OR2T29: variants seen among roughly 807,000 people sequenced by gnomAD.
The protein encoded by OR2T29 is olfactory receptor family 2 subfamily T member 29.
For synonymous variants in OR2T29, 2 were observed against 44.9 expected (o/e 0.04, Z 3.82); for missense variants, 7 against 121.9 (o/e 0.06, Z 4.44).
At chr1:248,560,613 AAC>A (rs1380650951) in intron 1 of OR2T29, among the ~76,000 whole-genome samples, 13 of 29,046 alleles carry the variant, frequency 4.5e-4, no homozygotes, top group African/African-American at 6.5e-4. Flanking sequence ...GTGAATATAT[AAC>A]TATAACATTT....
chr1:248,562,346 C>T (rs904668953), intron 1 of OR2T29, among the ~76,000 whole-genome samples: 2 of 138,898 alleles, frequency 1.4e-5, no homozygotes, highest in African/African-American at 6.0e-5. Flanking sequence ...ATGATTGAGA[C>T]ATTGTTTCTA....
intron 1 of OR2T29, among the ~76,000 whole-genome samples, chr1:248,560,609 A>ATAT (rs1558380850): frequency 4.5e-4 from 14 of 31,010 alleles, no homozygotes; most frequent in African/African-American, 6.0e-4. Context: ...ACAGGTGAAT[A>ATAT]TATAACTATA....
chr1:248,562,232 C>A (rs569483480), intron 1 of OR2T29, among the ~76,000 whole-genome samples: 2 of 150,770 alleles, frequency 1.3e-5, no homozygotes, highest in South Asian at 2.1e-4. Context: ...TGAGAGCCAG[C>A]GCACGTAACT....
chr1:248,559,444 G>C lies in OR2T29; in HGVS notation c.48C>G (p.Phe16Leu), dbSNP rs1227024474. 1 of 1,567,526 alleles carries C rather than the reference G, an allele frequency of 6.4e-7. No homozygotes were observed. Among genetic ancestry groups the C allele is most frequent in the African/African-American group, 1.4e-5 (1 of 71,850 alleles). The part of the protein sequence containing the change: ...RMANHTGRLD[F>L]ILMGLFRQSK... ...ATTGTCTGAAGAGTCCCATGAGGAT[G>C]AAATCCAACCTTCCAGTGTGGTTGG... Residue 16 changes from phenylalanine (F) to leucine (L), a missense_variant, in exon 2 of 2, where the codon TTC (phenylalanine) becomes TTG (leucine). Transcript: ENST00000641069.
At chr1:248,562,120 T>C (rs1659534596) in intron 1 of OR2T29, among the ~76,000 whole-genome samples, 1 of 148,400 alleles carries the variant, frequency 6.7e-6, no homozygotes, top group South Asian at 2.1e-4. Context: ...AGTTACTTCC[T>C]ATTATTTTCT....
In OR2T29 at chr1:248,558,202, T is replaced by TCC. The variant is rs1659483827; in HGVS notation, c.*340_*341dup. ...GTTTCATTGCCCCTCTCTATCTCCC[T>TCC]CCCTCTTTCCCTCTCATCATTTGAA... On this transcript the variant is annotated 3_prime_UTR_variant, in exon 2 of 2. Transcript: ENST00000641069. 1 of 105,886 alleles carries TCC rather than the reference T, an allele frequency of 9.4e-6. No individual in the cohort carries two copies. Among genetic ancestry groups the TCC allele is most frequent in the Admixed American group, 9.7e-5 (1 of 10,260 alleles). The allele number at this position is 105,886 out of a possible 1,614,324, so 6.6% of individuals were successfully genotyped here.
rs1417950456 is a variant in OR2T29, at chr1:248,560,336, T to A, written c.-10-835A>T. On this transcript the variant is annotated intron_variant, in intron 1 of 1. Transcript: ENST00000641069. ...ATATACTCTTAGTGTAGATGTTAAC[T>A]CTTTAAGCTAACTATTCTGCACAAC... Among the ~76,000 whole-genome samples, 26 of 94,144 alleles carry A rather than the reference T, an allele frequency of 2.8e-4. 1 individual carries two copies. Among genetic ancestry groups the A allele is most frequent in the African/African-American group, 6.4e-4 (25 of 39,290 alleles). The allele number at this position is 94,144 out of a possible 152,430, so 61.8% of individuals were successfully genotyped here. A position where few individuals can be genotyped will look rare whatever the true frequency, so the allele number is the denominator to read the frequency against.
rs1391983158 is a variant in OR2T29, at chr1:248,560,417, C to T, written c.-10-916G>A. Reference sequence around the variant, plus strand: ...TATAAGATATATTACTTCCATTCTCCAGATTCAGTACCTATTCATACATTT... The same window carrying T: ...TATAAGATATATTACTTCCATTCTCTAGATTCAGTACCTATTCATACATTT... On this transcript the variant is annotated intron_variant, in intron 1 of 1. Coordinates refer to ENST00000641069, the MANE Select transcript of OR2T29 (RefSeq NM_001004694.3). Among the ~76,000 whole-genome samples, 125 of 91,122 alleles carry T rather than the reference C, an allele frequency of 1.4e-3. 12 individuals carry two copies. The highest frequency in any genetic ancestry group is 2.9e-3 in the African/African-American group (114 of 39,058). The allele number at this position is 91,122 out of a possible 152,430, so 59.8% of individuals were successfully genotyped here. A position where few individuals can be genotyped will look rare whatever the true frequency, so the allele number is the denominator to read the frequency against.
Position 248,562,490 on chromosome 1 carries a change from T to C in OR2T29, c.-11+236A>G, listed in dbSNP as rs904874117. The C allele has an allele frequency of 7.6e-5, 11 of 144,570 alleles. 1 individual carries two copies. Among genetic ancestry groups the C allele is most frequent in the African/African-American group, 2.1e-4 (8 of 38,168 alleles). The allele number at this position is 144,570 out of a possible 1,614,324, so 9.0% of individuals were successfully genotyped here. A position where few individuals can be genotyped will look rare whatever the true frequency, so the allele number is the denominator to read the frequency against. On this transcript the variant is annotated intron_variant, in intron 1 of 1. Transcript: ENST00000641069. ...AAACTATAGAATATATATTATTATG[T>C]CCATAAATAATTGGAAATTAAAAAT...
chr1:248,560,348 C>T (rs1365989214), intron 1 of OR2T29, among the ~76,000 whole-genome samples: 1 of 95,646 alleles, frequency 1.0e-5, no homozygotes, highest in Non-Finnish European at 3.1e-5. Context: ...TTTAAGCTAA[C>T]TATTCTGCAC....
chr1:248,556,933 G>GA lies in OR2T29; in HGVS notation c.*1610dup, dbSNP rs1328781809. ...AATAATTGAGTGTGGTGAGAGAAAA[G>GA]AAGAATGTGTACTGTTGAAAACACC... On this transcript the variant is annotated 3_prime_UTR_variant, in exon 2 of 2. Coordinates refer to ENST00000641069, the MANE Select transcript of OR2T29 (RefSeq NM_001004694.3). 6.8e-6 allele frequency: 1 copy of GA among 146,380 alleles called. No homozygotes were observed. Among genetic ancestry groups the GA allele is most frequent in the East Asian group, 2.1e-4 (1 of 4,730 alleles). 9.1% of individuals were successfully genotyped at this position (146,380 alleles called of 1,614,324 possible).
rs896081903 is a variant in OR2T29 at position 248,562,458 on chromosome 1, A to T, written c.-11+268T>A. On this transcript the variant is annotated intron_variant, in intron 1 of 1. Coordinates refer to ENST00000641069, the MANE Select transcript of OR2T29 (RefSeq NM_001004694.3). Reference sequence around the variant, plus strand: ...GGAAAATAAATACATCATTGTATGAAAATCTAAAACTATAGAATATATATT... The same window carrying T: ...GGAAAATAAATACATCATTGTATGATAATCTAAAACTATAGAATATATATT... 12 of 143,666 alleles carry T rather than the reference A, an allele frequency of 8.4e-5. 1 individual carries two copies. The highest frequency in any genetic ancestry group is 1.2e-4 in the Non-Finnish European group (8 of 65,698). 8.9% of individuals were successfully genotyped at this position (143,666 alleles called of 1,614,324 possible).
Position 248,559,473 on chromosome 1 carries a change from T to A in OR2T29, c.19A>T (p.Met7Leu), listed in dbSNP as rs1335822103. The A allele has an allele frequency of 6.9e-6, 11 of 1,586,660 alleles. 1 individual carries two copies. The highest frequency in any genetic ancestry group is 9.4e-6 in the Non-Finnish European group (11 of 1,166,698). Residue 7 changes from methionine to leucine, a missense_variant, in exon 2 of 2, where the codon ATG (methionine) becomes TTG (leucine). Transcript: ENST00000641069. MANITRMANHTGRLDFI... is the reference protein window; with the variant it reads MANITRLANHTGRLDFI... The stretch of plus-strand genomic sequence containing the variant: ...TCCAACCTTCCAGTGTGGTTGGCCA[T>A]CCTGGTGATGTTGGCCATGAGGTTT...
In OR2T29 at chr1:248,557,124, A is replaced by G. The variant is rs1659465622; in HGVS notation, c.*1420T>C. ...CTCCACTTAGATCAACATCATTTAG[A>G]TCACCATTCTCATGTACCTGGTCTC... is the stretch of plus-strand genomic sequence containing the variant. On this transcript the variant is annotated 3_prime_UTR_variant, in exon 2 of 2. Coordinates refer to ENST00000641069, the MANE Select transcript of OR2T29 (RefSeq NM_001004694.3). 1 of 152,394 alleles carries G rather than the reference A, an allele frequency of 6.6e-6. No individual in the cohort carries two copies. The highest frequency in any genetic ancestry group is 2.4e-5 in the African/African-American group (1 of 41,486). 9.4% of individuals were successfully genotyped at this position (152,394 alleles called of 1,614,324 possible). A position where few individuals can be genotyped will look rare whatever the true frequency, so the allele number is the denominator to read the frequency against.
In OR2T29 at chr1:248,562,461, T is replaced by C. The variant is rs577292236; in HGVS notation, c.-11+265A>G. ...AAATAAATACATCATTGTATGAAAA[T>C]CTAAAACTATAGAATATATATTATT... On this transcript the variant is annotated intron_variant, in intron 1 of 1. Coordinates refer to ENST00000641069, the MANE Select transcript of OR2T29 (RefSeq NM_001004694.3). 153 of 143,192 alleles carry C rather than the reference T, an allele frequency of 1.1e-3. 18 individuals carry two copies. The highest frequency in any genetic ancestry group is 1.7e-3 in the Non-Finnish European group (113 of 65,538). The allele number at this position is 143,192 out of a possible 1,614,324, so 8.9% of individuals were successfully genotyped here.
intron 1 of OR2T29, among the ~76,000 whole-genome samples, chr1:248,562,379 A>C (rs1339983): frequency 0.26 from 34,593 of 132,618 alleles, 9,734 homozygotes; most frequent in African/African-American, 0.65. Context: ...CCTCAGAAAT[A>C]ATCCCCTCTC....
At chr1:248,562,338 G>C (rs1413715695) in intron 1 of OR2T29, among the ~76,000 whole-genome samples, 1 of 141,420 alleles carries the variant, frequency 7.1e-6, no homozygotes, top group Non-Finnish European at 1.5e-5. Flanking sequence ...AACATAAAAT[G>C]ATTGAGACAT....
At chr1:248,562,109 G>A (rs1284110773) in intron 1 of OR2T29, among the ~76,000 whole-genome samples, 3 of 147,362 alleles carry the variant, frequency 2.0e-5, no homozygotes, top group Non-Finnish European at 4.5e-5. Context: ...AAGAGCCTAT[G>A]AGTTACTTCC....
rs1488293764 is a variant in OR2T29, at chr1:248,557,110, TCAA to T, written c.*1431_*1433del. 2.0e-5 allele frequency: 3 copies of T among 152,346 alleles called. No individual in the cohort carries two copies. Among genetic ancestry groups the T allele is most frequent in the South Asian group, 2.1e-4 (1 of 4,838 alleles). 9.4% of individuals were successfully genotyped at this position (152,346 alleles called of 1,614,324 possible). ...AAAGGCATGGTCGACTCCACTTAGATCAACATCATTTAGATCACCATTCTCATG... is the reference window on the plus strand; with the variant it reads ...AAAGGCATGGTCGACTCCACTTAGATCATCATTTAGATCACCATTCTCATG... On this transcript the variant is annotated 3_prime_UTR_variant, in exon 2 of 2. Coordinates refer to ENST00000641069, the MANE Select transcript of OR2T29 (RefSeq NM_001004694.3).
Sources: gnomAD v4.1 joint callset for allele counts (sites outside exome capture counted in the v4.1 genomes callset) on GRCh38, gnomAD v4.1.1 for gene constraint, MANE v1.5 for transcripts, NCBI Gene and HGNC (gene_info 2026-07-23, HGNC 2026-07-21) for gene names.